The following ANO10 variants were observed in gnomAD, a reference collection of about 807,000 sequenced individuals.
ANO10 encodes the protein anoctamin-10.
ANO10 carries 77 observed loss-of-function variants against 74.7 expected under a neutral mutation model. The observed-to-expected ratio is 1.03, with a 90% CI of 0.86 to 1.25. The LOEUF (loss-of-function observed/expected upper bound fraction) is 1.25, where lower values mean the gene tolerates loss of function less well. ANO10 is among the 50% of genes most tolerant of loss of function. The probability of loss-of-function intolerance (pLI) is 0.00; values close to 1 mark genes in which losing one functional copy is unlikely to be tolerated. For missense variants in ANO10, 721 were observed against 778.1 expected (o/e 0.93, Z 0.87); for synonymous variants, 279 against 284.9 (o/e 0.98, Z 0.21).
chr3:43,579,487 G>A (rs944063067), intron 5 of ANO10, among the ~76,000 whole-genome samples: 1 of 152,224 alleles, frequency 6.6e-6, no homozygotes, highest in Non-Finnish European at 1.5e-5. Context: ...GGAGGCCAAG[G>A]TGGGTGGATC....
chr3:43,482,456 A>G (rs191332571), intron 11 of ANO10, among the ~76,000 whole-genome samples: 1 of 151,952 alleles, frequency 6.6e-6, no homozygotes, highest in African/African-American at 2.4e-5. Context: ...ATCATCTAAT[A>G]TGCCACCTGC....
intron 2 of ANO10, among the ~76,000 whole-genome samples, chr3:43,604,235 A>T (rs1256146876): frequency 1.3e-5 from 2 of 152,008 alleles, no homozygotes; most frequent in African/African-American, 4.8e-5. Flanking sequence ...AACATTCAAT[A>T]TCCTCCTTCT....
At chr3:43,372,743 C>G (rs2125676854) in intron 12 of ANO10, 1 of 1,096,194 alleles carries the variant, frequency 9.1e-7, no homozygotes, top group Admixed American at 2.1e-5. Flanking sequence ...ATGTGGTCTC[C>G]AGAGAGCAGG....
intron 11 of ANO10, chr3:43,485,328 G>T: frequency 1.9e-6 from 1 of 522,256 alleles, no homozygotes; most frequent in African/African-American, 1.9e-5. Context: ...GATCCGACAG[G>T]GTGTCCGCTG....
chr3:43,527,831 T>A (rs143388591), intron 11 of ANO10, among the ~76,000 whole-genome samples: 104 of 152,188 alleles, frequency 6.8e-4, no homozygotes, highest in Non-Finnish European at 1.2e-3. Flanking sequence ...AACTGCTAGA[T>A]CAGAGAGTTT....
chr3:43,579,355 A>G (rs1438217611), intron 5 of ANO10, among the ~76,000 whole-genome samples: 3 of 152,324 alleles, frequency 2.0e-5, no homozygotes, highest in Non-Finnish European at 2.9e-5. Flanking sequence ...ATTCTAAATA[A>G]CTGGCTCCTC....
At chr3:43,383,419 A>G (rs1308881289) in intron 12 of ANO10, among the ~76,000 whole-genome samples, 1 of 144,698 alleles carries the variant, frequency 6.9e-6, no homozygotes, top group Non-Finnish European at 1.5e-5. Flanking sequence ...GTGCCACTGC[A>G]CTCCAGCCTG....
chr3:43,530,998 A>C (rs2149248301), intron 11 of ANO10, among the ~76,000 whole-genome samples: 1 of 152,316 alleles, frequency 6.6e-6, no homozygotes, highest in South Asian at 2.1e-4. Flanking sequence ...GGTCATAGAA[A>C]AAGTGTTGAT....
intron 12 of ANO10, among the ~76,000 whole-genome samples, chr3:43,428,823 T>C (rs1449963040): frequency 4.7e-5 from 2 of 42,154 alleles, no homozygotes; most frequent in South Asian, 6.1e-4. Flanking sequence ...AAAAAAGTCA[T>C]TGAAGCATTT....
chr3:43,568,168 A>G (rs1474676201), intron 7 of ANO10, among the ~76,000 whole-genome samples: 18 of 152,218 alleles, frequency 1.2e-4, no homozygotes, highest in Admixed American at 2.0e-4. Context: ...ATACAGGAGC[A>G]CCAAGATTCA....
At chr3:43,435,878 G>C (rs1189984606) in intron 11 of ANO10, among the ~76,000 whole-genome samples, 3 of 152,288 alleles carry the variant, frequency 2.0e-5, no homozygotes, top group Admixed American at 6.5e-5. Flanking sequence ...ATGAATACTT[G>C]TGAGTGAGGT....
intron 12 of ANO10, among the ~76,000 whole-genome samples, chr3:43,374,883 G>A (rs2091743138): frequency 6.6e-6 from 1 of 152,188 alleles, no homozygotes; most frequent in African/African-American, 2.4e-5. Context: ...CACTTTGGGA[G>A]GCCGAGGTGG....
intron 12 of ANO10, among the ~76,000 whole-genome samples, chr3:43,422,104 T>G (rs1291774011): frequency 6.6e-6 from 1 of 152,130 alleles, no homozygotes; most frequent in Non-Finnish European, 1.5e-5. Context: ...AGAATACATC[T>G]TTTTTGTTGT....
chr3:43,386,983 G>A (rs2125708594), intron 12 of ANO10, among the ~76,000 whole-genome samples: 1 of 152,262 alleles, frequency 6.6e-6, no homozygotes, highest in East Asian at 1.9e-4. Flanking sequence ...TTTCTTCACT[G>A]GACTCTAGGA....
chr3:43,649,551 G>T (rs2149567661), intron 1 of ANO10, among the ~76,000 whole-genome samples: 1 of 152,226 alleles, frequency 6.6e-6, no homozygotes, highest in African/African-American at 2.4e-5. Context: ...ACCCTCCCTT[G>T]GCCACCTAAC....
chr3:43,592,052 G>A (rs1559751215), intron 4 of ANO10, among the ~76,000 whole-genome samples: 1 of 152,220 alleles, frequency 6.6e-6, no homozygotes, highest in African/African-American at 2.4e-5. Flanking sequence ...GCTGGGGGAG[G>A]GGCGCCCGCC....
At chr3:43,551,520 C>T (rs758765378) in intron 10 of ANO10, 10 of 457,038 alleles carry the variant, frequency 2.2e-5, no homozygotes, top group Non-Finnish European at 2.2e-5. Context: ...TTTCCATTTC[C>T]CCCAAAAGAT....
intron 12 of ANO10, among the ~76,000 whole-genome samples, chr3:43,420,386 C>T (rs1032431815): frequency 3.3e-5 from 5 of 151,884 alleles, no homozygotes; most frequent in African/African-American, 1.2e-4. Context: ...GTGCAGGTTG[C>T]AGGTTGCAGT....
chr3:43,375,759 AT>A (rs1485372770), intron 12 of ANO10, among the ~76,000 whole-genome samples: 2 of 151,808 alleles, frequency 1.3e-5, no homozygotes, highest in Non-Finnish European at 2.9e-5. Flanking sequence ...AGGACAGTTT[AT>A]TCCCCCCTTG....
Sources: gnomAD v4.1 joint callset for allele counts (sites outside exome capture counted in the v4.1 genomes callset) on GRCh38, gnomAD v4.1.1 for gene constraint, MANE v1.5 for transcripts, NCBI Gene and HGNC (gene_info 2026-07-23, HGNC 2026-07-21) for gene names.